The following MAF variants were observed in gnomAD, a reference collection of about 807,000 sequenced individuals.
MAF encodes transcription factor Maf.
Under a neutral mutation model 22.0 loss-of-function variants are expected in MAF, and 10 were observed. That is an observed-to-expected ratio of 0.45 (90% CI 0.28 to 0.77). The LOEUF (loss-of-function observed/expected upper bound fraction) is 0.77. MAF is among the 30% of genes least tolerant of loss of function. MAF has a pLI of 0.12. For missense variants in MAF, 544 were observed against 548.4 expected, an observed-to-expected ratio of 0.99 and a Z score of 0.08; for synonymous variants, 337 against 255.8, an observed-to-expected ratio of 1.32 and a Z score of -3.03.
the MAF span, among the ~76,000 whole-genome samples, chr16:79,398,376 T>A: frequency 6.6e-6 from 1 of 152,216 alleles, no homozygotes; most frequent in East Asian, 1.9e-4. Context: ...CTGTGACATA[T>A]TCATTAACAG....
the MAF span, among the ~76,000 whole-genome samples, chr16:79,430,743 G>A: frequency 1.3e-5 from 2 of 152,184 alleles, no homozygotes; most frequent in African/African-American, 4.8e-5. Flanking sequence ...AATACATAAA[G>A]CCCAGTCCTT....
the MAF span, among the ~76,000 whole-genome samples, chr16:79,508,114 G>A: frequency 6.6e-6 from 1 of 152,154 alleles, no homozygotes; most frequent in East Asian, 1.9e-4. Context: ...GCGCAGCATG[G>A]GAGCAACCCT....
chr16:79,418,476 C>T, the MAF span, among the ~76,000 whole-genome samples: 17 of 151,976 alleles, frequency 1.1e-4, no homozygotes, highest in African/African-American at 1.5e-4. Flanking sequence ...CTAATTAGTG[C>T]GCTGGGAGTT....
downstream of MAF, among the ~76,000 whole-genome samples, chr16:79,583,310 G>A (rs553069194): frequency 7.2e-5 from 11 of 152,278 alleles, no homozygotes; most frequent in African/African-American, 1.2e-4. Context: ...CATGTCATCG[G>A]ATTAGGTGTA....
chr16:79,503,895 T>C, the MAF span, among the ~76,000 whole-genome samples: 1 of 152,250 alleles, frequency 6.6e-6, no homozygotes, highest in Non-Finnish European at 1.5e-5. Flanking sequence ...TTTGTCACTA[T>C]ATCCTATAAA....
At chr16:79,504,576 CGGATGGAT>C in the MAF span, among the ~76,000 whole-genome samples, 10 of 151,468 alleles carry the variant, frequency 6.6e-5, 1 homozygote, top group African/African-American at 2.2e-4. Context: ...GATGGATGGA[CGGATGGAT>C]GGATGGATGG....
At chr16:79,442,176 G>A in the MAF span, among the ~76,000 whole-genome samples, 1 of 152,208 alleles carries the variant, frequency 6.6e-6, no homozygotes, top group Non-Finnish European at 1.5e-5. Flanking sequence ...ACATTTATAG[G>A]ATTCTCTTAC....
At chr16:79,563,297 A>G in the MAF span, among the ~76,000 whole-genome samples, 1 of 152,204 alleles carries the variant, frequency 6.6e-6, no homozygotes, top group South Asian at 2.1e-4. Context: ...AACACTGGCA[A>G]TGTGGCCAGT....
At chr16:79,418,553 A>C in the MAF span, among the ~76,000 whole-genome samples, 1 of 152,218 alleles carries the variant, frequency 6.6e-6, no homozygotes, top group Non-Finnish European at 1.5e-5. Flanking sequence ...AAGGAAAAAT[A>C]AAATAAAATA....
chr16:79,217,398 C>T, the MAF span, among the ~76,000 whole-genome samples: 1 of 152,160 alleles, frequency 6.6e-6, no homozygotes. Context: ...AAGGGAAGAC[C>T]AGTTGATTTC....
At chr16:79,557,644 T>A in the MAF span, among the ~76,000 whole-genome samples, 1 of 151,974 alleles carries the variant, frequency 6.6e-6, no homozygotes, top group Non-Finnish European at 1.5e-5. Flanking sequence ...GTTGCAAAGA[T>A]TAAGTGGGAT....
chr16:79,226,993 G>A, the MAF span, among the ~76,000 whole-genome samples: 1 of 151,974 alleles, frequency 6.6e-6, no homozygotes, highest in Non-Finnish European at 1.5e-5. Flanking sequence ...GGGCTACATG[G>A]CACCAAGAAA....
chr16:79,416,148 T>C, the MAF span, among the ~76,000 whole-genome samples: 1 of 152,104 alleles, frequency 6.6e-6, no homozygotes, highest in African/African-American at 2.4e-5. Flanking sequence ...CGGCACAGGA[T>C]GGAAGTGGGG....
the MAF span, among the ~76,000 whole-genome samples, chr16:79,566,289 C>T: frequency 2.7e-4 from 41 of 152,272 alleles, no homozygotes; most frequent in Non-Finnish European, 5.0e-4. Flanking sequence ...CACTTTTAGA[C>T]CAATGTGGGA....
At chr16:79,308,850 G>A in the MAF span, among the ~76,000 whole-genome samples, 3 of 152,142 alleles carry the variant, frequency 2.0e-5, no homozygotes, top group Non-Finnish European at 4.4e-5. Flanking sequence ...CATGGTCCAC[G>A]CTCCTTTCCT....
chr16:79,497,533 C>T, the MAF span, among the ~76,000 whole-genome samples: 103 of 152,282 alleles, frequency 6.8e-4, no homozygotes, highest in African/African-American at 1.5e-3. Context: ...TTTTAATTTG[C>T]CTTGCCACAA....
At chr16:79,437,079 G>A in the MAF span, among the ~76,000 whole-genome samples, 16 of 151,990 alleles carry the variant, frequency 1.1e-4, no homozygotes, top group African/African-American at 3.1e-4. Context: ...TAATAACCTC[G>A]GCATCTGCCC....
At chr16:79,209,484 T>G in the MAF span, among the ~76,000 whole-genome samples, 1 of 152,210 alleles carries the variant, frequency 6.6e-6, no homozygotes, top group African/African-American at 2.4e-5. Flanking sequence ...GACGTTTGAA[T>G]GCTGAATAGT....
the MAF span, among the ~76,000 whole-genome samples, chr16:79,559,293 C>G: frequency 6.6e-6 from 1 of 152,196 alleles, no homozygotes; most frequent in African/African-American, 2.4e-5. Context: ...TGGTTTACCA[C>G]TTGAATCAGC....
Sources: gnomAD v4.1 joint callset for allele counts (sites outside exome capture counted in the v4.1 genomes callset) on GRCh38, gnomAD v4.1.1 for gene constraint, MANE v1.5 for transcripts, NCBI Gene and HGNC (gene_info 2026-07-23, HGNC 2026-07-21) for gene names.